DENND1B: variants seen among roughly 807,000 people sequenced by gnomAD.
DENND1B encodes DENN domain-containing protein 1B.
A neutral mutation model predicts 90.1 loss-of-function variants in DENND1B; 59 were observed. The observed-to-expected ratio is 0.65, with a 90% confidence interval of 0.53 to 0.81. DENND1B has a LOEUF of 0.81. Among genes scored for constraint, DENND1B ranks in the 40% least tolerant of loss-of-function variants. The pLI is 0.00. For missense variants in DENND1B, 862 were observed against 912.6 expected, an observed-to-expected ratio of 0.94 and a Z score of 0.71; for synonymous variants, 337 against 324.6, an observed-to-expected ratio of 1.04 and a Z score of -0.41.
At chr1:197,652,906 C>T (rs141180258) in intron 6 of DENND1B, among the ~76,000 whole-genome samples, 1 of 151,862 alleles carries the variant, frequency 6.6e-6, no homozygotes, top group African/African-American at 2.4e-5. Context: ...TTGATGTGCA[C>T]CCTCAATTTT....
chr1:197,555,641 A>G (rs2125691934), intron 15 of DENND1B, among the ~76,000 whole-genome samples: 1 of 152,290 alleles, frequency 6.6e-6, no homozygotes, highest in South Asian at 2.1e-4. Context: ...GATGCAAATC[A>G]AAACCACAAT....
chr1:197,595,872 T>C (rs1233690087), intron 13 of DENND1B, among the ~76,000 whole-genome samples: 1 of 152,006 alleles, frequency 6.6e-6, no homozygotes, highest in Non-Finnish European at 1.5e-5. Context: ...ATACCATGAG[T>C]GGAGAATTTT....
At chr1:197,619,855 A>T (rs1162132594) in intron 10 of DENND1B, among the ~76,000 whole-genome samples, 1 of 151,228 alleles carries the variant, frequency 6.6e-6, no homozygotes, top group East Asian at 2.0e-4. Context: ...AATGGCCAGC[A>T]TCTGGTAGAG....
At chr1:197,653,313 T>C (rs1023362585) in intron 6 of DENND1B, among the ~76,000 whole-genome samples, 8 of 152,128 alleles carry the variant, frequency 5.3e-5, no homozygotes, top group Non-Finnish European at 1.2e-4. Context: ...ATGGTTGTTT[T>C]AGAATTACCT....
intron 10 of DENND1B, among the ~76,000 whole-genome samples, chr1:197,635,331 G>A (rs775689899): frequency 2.8e-4 from 43 of 151,792 alleles, no homozygotes; most frequent in Non-Finnish European, 4.9e-4. Context: ...ACAACCCATG[G>A]TTTTATTTAT....
At chr1:197,586,500 G>A in intron 14 of DENND1B, among the ~76,000 whole-genome samples, 1 of 152,134 alleles carries the variant, frequency 6.6e-6, no homozygotes, top group East Asian at 1.9e-4. Context: ...CAAAATGTTT[G>A]AGAACCACTG....
At chr1:197,773,144 A>G (rs1382849680) in intron 1 of DENND1B, 1 of 552,346 alleles carries the variant, frequency 1.8e-6, no homozygotes, top group African/African-American at 1.9e-5. Context: ...CTTGGGGCAA[A>G]GCATTTAAAC....
chr1:197,680,938 T>C (rs1157173430), intron 3 of DENND1B, among the ~76,000 whole-genome samples: 4 of 152,138 alleles, frequency 2.6e-5, no homozygotes, highest in Admixed American at 1.3e-4. Flanking sequence ...CCATATAAAA[T>C]GATTAGGATA....
rs1248114765 is a variant in DENND1B at position 197,505,121 on chromosome 1, T to C, written c.*5339A>G. 6.6e-6 allele frequency: 1 copy of C among 151,816 alleles called. No individual in the cohort carries two copies. The highest frequency in any genetic ancestry group is 1.5e-5 in the Non-Finnish European group (1 of 67,832). The allele number at this position is 151,816 out of a possible 1,614,324, so 9.4% of individuals were successfully genotyped here. ...AAAAAAGCTTTATGCATTTATGTTG[T>C]AGGACTCAGGCAGTTCATATTAGTT... On this transcript the variant is annotated 3_prime_UTR_variant, in exon 23 of 23. Transcript: ENST00000620048.
At chr1:197,667,132 C>CA (rs78796571) in intron 5 of DENND1B, among the ~76,000 whole-genome samples, 1,608 of 93,754 alleles carry the variant, frequency 0.017, 17 homozygotes, top group African/African-American at 0.052. Context: ...GACTCCATCT[C>CA]AAAAAAAAAA....
At chr1:197,693,968 A>G (rs1409811642) in intron 3 of DENND1B, among the ~76,000 whole-genome samples, 1 of 151,534 alleles carries the variant, frequency 6.6e-6, no homozygotes, top group Admixed American at 6.6e-5. Context: ...CTAGTACACA[A>G]TAATTTTAAA....
chr1:197,743,994 C>T (rs1384523371), intron 2 of DENND1B, among the ~76,000 whole-genome samples: 1 of 152,168 alleles, frequency 6.6e-6, no homozygotes, highest in African/African-American at 2.4e-5. Context: ...CCTCATACAT[C>T]AAAGTTTTAT....
intron 10 of DENND1B, among the ~76,000 whole-genome samples, chr1:197,642,478 A>C (rs1160527629): frequency 6.6e-6 from 1 of 152,204 alleles, no homozygotes; most frequent in East Asian, 1.9e-4. Context: ...AAAGAAAAAA[A>C]AACTCTCATC....
intron 2 of DENND1B, among the ~76,000 whole-genome samples, chr1:197,767,451 G>A (rs1655837181): frequency 6.6e-6 from 1 of 152,118 alleles, no homozygotes; most frequent in Admixed American, 6.5e-5. Context: ...ACAAAAAAGT[G>A]AAAGGCAGTT....
In DENND1B at chr1:197,506,183, C is replaced by T. The variant is rs1004865472; in HGVS notation, c.*4277G>A. On this transcript the variant is annotated 3_prime_UTR_variant, in exon 23 of 23. Transcript: ENST00000620048. ...ACATATTTATATGAACTAAGTTATGCAAGAAAAATTATTGCACGAAATCCT... is the reference window on the plus strand; with the variant it reads ...ACATATTTATATGAACTAAGTTATGTAAGAAAAATTATTGCACGAAATCCT... 2.0e-5 allele frequency: 3 copies of T among 151,512 alleles called. No individual in the cohort carries two copies. Among genetic ancestry groups the T allele is most frequent in the East Asian group, 1.9e-4 (1 of 5,152 alleles). The allele number at this position is 151,512 out of a possible 1,614,324, so 9.4% of individuals were successfully genotyped here.
chr1:197,627,192 T>C (rs1678834200), intron 10 of DENND1B, among the ~76,000 whole-genome samples: 2 of 152,008 alleles, frequency 1.3e-5, no homozygotes, highest in African/African-American at 4.8e-5. Context: ...GCCAGCATCA[T>C]CCTGATACCA....
chr1:197,544,804 A>AGAGGAAGAGGAG (rs1553281301), intron 18 of DENND1B, among the ~76,000 whole-genome samples: 7 of 128,246 alleles, frequency 5.5e-5, no homozygotes, highest in African/African-American at 1.6e-4. Flanking sequence ...AGGAGGAAGA[A>AGAGGAAGAGGAG]GAAGAAGAGG....
intron 11 of DENND1B, among the ~76,000 whole-genome samples, chr1:197,614,251 C>T (rs909558771): frequency 2.0e-5 from 3 of 150,956 alleles, no homozygotes; most frequent in African/African-American, 7.3e-5. Context: ...TCCACATGTT[C>T]TCTTCTCACC....
intron 18 of DENND1B, among the ~76,000 whole-genome samples, chr1:197,544,789 AGAAGAGGAGGAAGAAGAAGAAGAG>A (rs1670603435): frequency 7.2e-6 from 1 of 139,072 alleles, no homozygotes; most frequent in African/African-American, 2.5e-5. Context: ...AGGAAGAAGA[AGAAGAGGAGGAAGAAGAAGAAGAG>A]GAAGAGGAGG....
Sources: allele counts gnomAD v4.1 joint callset (sites outside exome capture counted in the v4.1 genomes callset), GRCh38; gene constraint gnomAD v4.1.1; transcripts MANE v1.5; gene names NCBI Gene and HGNC (gene_info 2026-07-23, HGNC 2026-07-21).